The following CDH13 variants were observed in gnomAD, a reference collection of about 807,000 sequenced individuals.
CDH13 encodes the protein cadherin-13.
In CDH13, 24 loss-of-function variants were observed where a neutral mutation model predicts 63.8. The observed-to-expected ratio is 0.38, with a 90% CI of 0.27 to 0.53. The LOEUF is 0.53. CDH13 is among the 20% of genes least tolerant of loss of function. The pLI is 0.85. For missense variants in CDH13, 1,049 were observed against 903.1 expected, an observed-to-expected ratio of 1.16 and a Z score of -2.07; for synonymous variants, 503 against 355.3, an observed-to-expected ratio of 1.42 and a Z score of -4.67.
At chr16:82,758,432 C>T (rs1039789350) in intron 1 of CDH13, among the ~76,000 whole-genome samples, 2 of 151,952 alleles carry the variant, frequency 1.3e-5, no homozygotes, top group African/African-American at 4.8e-5. Context: ...TGATACCCCC[C>T]CCCCTTTGCT....
At chr16:83,765,809 C>T (rs1004110846) in intron 11 of CDH13, among the ~76,000 whole-genome samples, 3 of 150,190 alleles carry the variant, frequency 2.0e-5, no homozygotes, top group African/African-American at 7.3e-5. Context: ...TTATCTTAAA[C>T]AGGAGGTACA....
chr16:82,882,916 G>A (rs556535073), intron 2 of CDH13, among the ~76,000 whole-genome samples: 44 of 152,158 alleles, frequency 2.9e-4, no homozygotes, highest in South Asian at 2.1e-4. Context: ...AATGAAGGAA[G>A]CATGTATAAG....
chr16:83,274,387 A>C (rs1274245248), intron 5 of CDH13, among the ~76,000 whole-genome samples: 1 of 152,078 alleles, frequency 6.6e-6, no homozygotes, highest in Non-Finnish European at 1.5e-5. Context: ...CCTGCCACTC[A>C]TTATTTGGCT....
chr16:83,477,252 A>C (rs1007635252), intron 6 of CDH13, among the ~76,000 whole-genome samples: 1 of 152,234 alleles, frequency 6.6e-6, no homozygotes, highest in African/African-American at 2.4e-5. Context: ...TCATTGCTCA[A>C]CTTGTCATAA....
At chr16:82,846,044 G>C (rs745426420) in intron 1 of CDH13, among the ~76,000 whole-genome samples, 1 of 152,178 alleles carries the variant, frequency 6.6e-6, no homozygotes, top group African/African-American at 2.4e-5. Context: ...GCATGCATGA[G>C]TCCTATTTTG....
chr16:83,077,092 G>C (rs1162489647), intron 3 of CDH13, among the ~76,000 whole-genome samples: 1 of 150,458 alleles, frequency 6.6e-6, no homozygotes, highest in Admixed American at 6.6e-5. Flanking sequence ...AATTTTATAT[G>C]AATGAAATCG....
At chr16:83,267,174 C>G (rs1207231456) in intron 5 of CDH13, among the ~76,000 whole-genome samples, 1 of 152,098 alleles carries the variant, frequency 6.6e-6, no homozygotes, top group Non-Finnish European at 1.5e-5. Context: ...ACCAGAAAAC[C>G]CCAACCCAAC....
intron 1 of CDH13, among the ~76,000 whole-genome samples, chr16:82,850,734 A>G (rs1468932768): frequency 1.3e-5 from 2 of 152,124 alleles, no homozygotes; most frequent in African/African-American, 4.8e-5. Flanking sequence ...AGCCTCCCCA[A>G]CCTTCACAAC....
intron 1 of CDH13, among the ~76,000 whole-genome samples, chr16:82,739,300 A>G (rs1196268971): frequency 6.6e-6 from 1 of 152,218 alleles, no homozygotes; most frequent in African/African-American, 2.4e-5. Context: ...ACTTTTAGAT[A>G]AAGAAATCAT....
intron 3 of CDH13, among the ~76,000 whole-genome samples, chr16:83,039,695 T>C (rs1917170387): frequency 6.6e-6 from 1 of 152,150 alleles, no homozygotes. Flanking sequence ...TGGATGCCTT[T>C]TGAATACATG....
intron 2 of CDH13, among the ~76,000 whole-genome samples, chr16:82,956,504 G>T (rs1488867540): frequency 1.3e-5 from 2 of 151,788 alleles, no homozygotes; most frequent in Non-Finnish European, 2.9e-5. Context: ...TGCTCCAAAT[G>T]GCAGCTGAAG....
intron 1 of CDH13, among the ~76,000 whole-genome samples, chr16:82,647,191 A>G (rs1335205380): frequency 6.6e-6 from 1 of 152,190 alleles, no homozygotes; most frequent in Non-Finnish European, 1.5e-5. Context: ...CCTAGCTGAT[A>G]TGACTGGGAT....
rs75722820 is a variant in CDH13, at chr16:83,683,851, T to C, written c.1538+5390T>C. 3.3e-3 allele frequency among the ~76,000 whole-genome samples: 504 copies of C among 152,338 alleles called. 6 individuals are homozygous for C. The highest frequency in any genetic ancestry group is 0.012 in the African/African-American group (486 of 41,582). On this transcript the variant is annotated intron_variant, in intron 10 of 13. Coordinates refer to ENST00000567109, the MANE Select transcript of CDH13 (RefSeq NM_001257.5). ...ATTTATATTTTCCATCATTTCTAAA[T>C]TGATGTCACAGTTTAGAAAGTCCTT...
At chr16:83,600,401 A>T (rs1567796434) in intron 7 of CDH13, among the ~76,000 whole-genome samples, 1 of 152,196 alleles carries the variant, frequency 6.6e-6, no homozygotes, top group Non-Finnish European at 1.5e-5. Context: ...GACTCCTTAA[A>T]ATAGTAGCTC....
intron 7 of CDH13, among the ~76,000 whole-genome samples, chr16:83,555,783 C>G (rs544446132): frequency 1.3e-5 from 2 of 152,324 alleles, no homozygotes; most frequent in South Asian, 2.1e-4. Flanking sequence ...GATAGTCTGT[C>G]TGCTCCCAAT....
chr16:83,104,876 A>G (rs559328102), intron 3 of CDH13, among the ~76,000 whole-genome samples: 1 of 152,328 alleles, frequency 6.6e-6, no homozygotes, highest in East Asian at 1.9e-4. Flanking sequence ...AAAATGGACC[A>G]AATCGATCGA....
chr16:82,849,156 A>T lies in CDH13; in HGVS notation c.46-9206A>T, dbSNP rs143289828. Among the ~76,000 whole-genome samples, 276 of 152,340 alleles carry T rather than the reference A, an allele frequency of 1.8e-3. 2 individuals carry two copies. The highest frequency in any genetic ancestry group is 6.3e-3 in the African/African-American group (261 of 41,578). On this transcript the variant is annotated intron_variant, in intron 1 of 13. Coordinates refer to ENST00000567109, the MANE Select transcript of CDH13 (RefSeq NM_001257.5). ...AGCTGCAGGAGAAAAGTTGGAAGCT[A>T]GCAGAGGTTAGTGTGTGACATTTAA...
chr16:83,107,851 G>A (rs759548930), intron 3 of CDH13, among the ~76,000 whole-genome samples: 3 of 149,422 alleles, frequency 2.0e-5, no homozygotes, highest in Non-Finnish European at 4.4e-5. Context: ...ACGGCATCTC[G>A]CTCTGTTGCC....
chr16:82,863,261 C>A (rs1567611099), intron 2 of CDH13, among the ~76,000 whole-genome samples: 1 of 152,158 alleles, frequency 6.6e-6, no homozygotes, highest in African/African-American at 2.4e-5. Context: ...AGGTCGTGCA[C>A]CTGCGACTAT....
Sources: allele counts gnomAD v4.1 joint callset (sites outside exome capture counted in the v4.1 genomes callset), GRCh38; gene constraint gnomAD v4.1.1; transcripts MANE v1.5; gene names NCBI Gene and HGNC (gene_info 2026-07-23, HGNC 2026-07-21).